Variants in LAS1L observed in about 807,000 individuals in gnomAD.
The protein encoded by LAS1L is ribosomal biogenesis protein LAS1L.
A neutral mutation model predicts 57.3 loss-of-function variants in LAS1L; 5 were observed. The ratio of observed to expected loss-of-function variants is 0.09; its 90% confidence interval spans 0.05 to 0.18. LAS1L has a LOEUF of 0.18. LAS1L is among the 10% of genes least tolerant of loss of function. The pLI is 1.00. For synonymous variants in LAS1L, 245 were observed against 231.7 expected (o/e 1.06, Z -0.52); for missense variants, 360 against 568.3 (o/e 0.63, Z 3.73).
At chrX:65,526,590 C>T (rs1265286642) in intron 7 of LAS1L, among the ~76,000 whole-genome samples, 1 of 111,753 alleles carries the variant, frequency 8.9e-6, no homozygotes, top group East Asian at 2.8e-4. Flanking sequence ...ACTCTGCTAC[C>T]TACACCACCT....
Position 65,518,315 on chromosome X carries a change from G to A in LAS1L, c.1599C>T (p.Asp533=). The A allele has an allele frequency of 1.6e-6, 2 of 1,212,161 alleles. No individual in the cohort carries two copies. Among genetic ancestry groups the A allele is most frequent in the Non-Finnish European group, 2.2e-6 (2 of 895,566 alleles). The part of the protein sequence containing the change: ...SPIGKSPYTL[D]SLYWSVKPAS... ...CTGGCTTGACGCTCCAATACAGGCTGTCTAGTGTATATGGAGACTTCCCAA... is the reference window on the plus strand; with the variant it reads ...CTGGCTTGACGCTCCAATACAGGCTATCTAGTGTATATGGAGACTTCCCAA... The change falls in exon 12 of 14, where the codon GAC becomes GAT. Residue 533 remains aspartate (D), a synonymous_variant. Coordinates refer to ENST00000374811, the MANE Select transcript of LAS1L (RefSeq NM_031206.7).
intron 3 of LAS1L, among the ~76,000 whole-genome samples, chrX:65,531,650 G>A (rs1048956713): frequency 3.6e-5 from 4 of 111,917 alleles, no homozygotes; most frequent in Non-Finnish European, 7.5e-5. Context: ...AGGAGGTATT[G>A]AAAATCAGAA....
At chrX:65,531,684 A>T (rs2148320533) in intron 3 of LAS1L, among the ~76,000 whole-genome samples, 1 of 112,364 alleles carries the variant, frequency 8.9e-6, no homozygotes, top group African/African-American at 3.2e-5. Flanking sequence ...ACAGTGGCTC[A>T]TGCCTGTAAT....
chrX:65,532,403 C>G (rs746458134), intron 3 of LAS1L, among the ~76,000 whole-genome samples, 158 bp downstream of exon 3: 134 of 112,839 alleles, frequency 1.2e-3, no homozygotes, highest in Non-Finnish European at 2.2e-3. Flanking sequence ...AGCAACTGTG[C>G]CTCCTTCAGG....
chrX:65,524,603 C>T lies in LAS1L; in HGVS notation c.1054G>A (p.Glu352Lys), dbSNP rs1287574692. ...TCAGTACCTTCCCCTCTCTGGACCT[C>T]AGTCTGACCATCTGTAACATGAGGA... ...LQIEYEDGQT[E>K]VQRGEGTDPK... is the part of the protein sequence containing the mutation. The change falls in exon 9 of 14, where the codon GAG becomes AAG. Residue 352 changes from glutamate (E) to lysine (K), a missense_variant. Coordinates refer to ENST00000374811, the MANE Select transcript of LAS1L (RefSeq NM_031206.7). The T allele has an allele frequency of 3.8e-6, 2 of 527,341 alleles. No homozygotes were observed. Among genetic ancestry groups the T allele is most frequent in the Admixed American group, 5.3e-5 (2 of 37,932 alleles). The allele number at this position is 527,341 out of a possible 1,213,427, so 43.5% of individuals were successfully genotyped here. A position where few individuals can be genotyped will look rare whatever the true frequency, so the allele number is the denominator to read the frequency against.
chrX:65,532,264 T>C (rs1393590960), intron 3 of LAS1L, among the ~76,000 whole-genome samples: 2 of 112,682 alleles, frequency 1.8e-5, no homozygotes, highest in African/African-American at 6.5e-5. Context: ...TCTCAGACTG[T>C]CAGCTCCATG....
At chrX:65,532,894 T>C (rs1027343571) in intron 2 of LAS1L, among the ~76,000 whole-genome samples, 1 of 111,638 alleles carries the variant, frequency 9.0e-6, no homozygotes, top group Non-Finnish European at 1.9e-5. Flanking sequence ...AATGATACAA[T>C]GTAACATATT....
At chrX:65,523,477 T>G in intron 11 of LAS1L, 83 bp downstream of exon 11, 1 of 996,219 alleles carries the variant, frequency 1.0e-6, no homozygotes, top group Non-Finnish European at 1.3e-6. Flanking sequence ...AAAGGGCCCT[T>G]CTAACTCAGT....
chrX:65,524,989 C>T lies in LAS1L; in HGVS notation c.1018G>A (p.Ala340Thr). The change falls in exon 8 of 14, where the codon GCA becomes ACA. Residue 340 changes from alanine (A) to threonine (T), a missense_variant. Physicochemically the swap from Ala to Thr is moderately conservative, Grantham distance 58. This residue lies in a region of LAS1L where 81 missense variants were observed against 192.1 expected (regional missense o/e 0.42). Transcript: ENST00000374811. Reference sequence around the variant, plus strand: ...CCTTCATATTCTATCTGCAAAGCTGCCAACTGTTCAAATGTGGGGACAAGG... The same window carrying T: ...CCTTCATATTCTATCTGCAAAGCTGTCAACTGTTCAAATGTGGGGACAAGG... ...GFLVPTFEQL[A>T]ALQIEYEDGQ... 4 of 1,210,004 alleles carry T rather than the reference C, an allele frequency of 3.3e-6. No homozygotes were observed. The highest frequency in any genetic ancestry group is 4.5e-6 in the Non-Finnish European group (4 of 894,462).
chrX:65,531,960 C>A (rs763999253), intron 3 of LAS1L, among the ~76,000 whole-genome samples: 1 of 112,011 alleles, frequency 8.9e-6, no homozygotes, highest in East Asian at 2.8e-4. Context: ...AAGGCACACA[C>A]CTCCCCTAAC....
intron 7 of LAS1L, among the ~76,000 whole-genome samples, chrX:65,526,235 AC>A (rs1349450179): frequency 1.7e-4 from 19 of 111,506 alleles, no homozygotes; most frequent in Admixed American, 4.8e-4. Context: ...CTTCAAAATT[AC>A]CCAGCCTCAG....
chrX:65,534,612 G>A lies in LAS1L; in HGVS notation c.104C>T (p.Pro35Leu), dbSNP rs748292004. The change falls in exon 1 of 14, where the codon CCA becomes CTA. Residue 35 changes from proline (P) to leucine (L), a missense_variant. Pro to Leu is a moderately conservative substitution (Grantham distance 98). Coordinates refer to ENST00000374811, the MANE Select transcript of LAS1L (RefSeq NM_031206.7). ...GKCVKGKGSL[P>L]LSAHGIVVAW... ...GACCACGATGCCGTGGGCCGAGAGT[G>A]GCAACGACCCTTTCCCTTTAACGCA... The A allele has an allele frequency of 1.7e-6, 2 of 1,201,875 alleles. No individual in the cohort carries two copies. Among genetic ancestry groups the A allele is most frequent in the Non-Finnish European group, 2.2e-6 (2 of 890,229 alleles).
At chrX:65,533,837 T>C (rs766093704) in intron 1 of LAS1L, 102 bp from the exon 2 acceptor site, 4 of 891,343 alleles carry the variant, frequency 4.5e-6, no homozygotes, top group Non-Finnish European at 6.3e-6. Context: ...CATATTCTGG[T>C]TCAAGAGAGC....
intron 13 of LAS1L, among the ~76,000 whole-genome samples, chrX:65,514,518 ATGTG>A (rs1341697871): frequency 2.6e-5 from 2 of 75,778 alleles, no homozygotes; most frequent in African/African-American, 9.9e-5. Flanking sequence ...TCCTCCCAAA[ATGTG>A]TGTGTGTGCC....
rs763617449 is a variant in LAS1L at position 65,534,527 on chromosome X, A to G, written c.189T>C (p.His63=). The G allele has an allele frequency of 1.7e-6, 2 of 1,209,025 alleles. No homozygotes were observed. Among genetic ancestry groups the G allele is most frequent in the South Asian group, 3.5e-5 (2 of 56,352 alleles). The change falls in exon 1 of 14, where the codon CAT becomes CAC. Residue 63 remains histidine (H), a synonymous_variant. Transcript: ENST00000374811. Reference sequence around the variant, plus strand: ...GGTTAAGCGCGTACCGCTGCAACTTATGGTCGTCACAGAACAGATAAACCG... The same window carrying G: ...GGTTAAGCGCGTACCGCTGCAACTTGTGGTCGTCACAGAACAGATAAACCG... The part of the protein sequence containing the change: ...QVTVYLFCDD[H]KLQRYALNRI...
At chrX:65,531,596 G>GA (rs1259477921) in intron 3 of LAS1L, among the ~76,000 whole-genome samples, 158 bp from the exon 4 acceptor site, 17 of 109,669 alleles carry the variant, frequency 1.6e-4, no homozygotes, top group South Asian at 3.9e-4. Context: ...ACAGAGCCAA[G>GA]AAAAAAAAAC....
intron 11 of LAS1L, chrX:65,520,752 T>C (rs779200185): frequency 4.7e-5 from 35 of 752,048 alleles, no homozygotes; most frequent in Non-Finnish European, 5.2e-5. Flanking sequence ...TCTGGTATGC[T>C]TGGGTTGGGA....
At position 65,529,578 on chromosome X, in the gene LAS1L, C is replaced by A. The variant is rs749511994; in HGVS notation, c.799+16G>T. On this transcript the variant is annotated intron_variant, in intron 5 of 13. Coordinates refer to ENST00000374811, the MANE Select transcript of LAS1L (RefSeq NM_031206.7). The stretch of plus-strand genomic sequence containing the variant: ...TCTGGGCTCATGGGCCGCTTTCTGC[C>A]CTCCAAAACACCTACCATATAGCTC... 1 of 1,204,061 alleles carries A rather than the reference C, an allele frequency of 8.3e-7. No homozygotes were observed. The highest frequency in any genetic ancestry group is 3.0e-5 in the East Asian group (1 of 33,768).
At chrX:65,526,591 T>C (rs2069156788) in intron 7 of LAS1L, among the ~76,000 whole-genome samples, 1 of 111,814 alleles carries the variant, frequency 8.9e-6, no homozygotes, top group Admixed American at 9.5e-5. Context: ...CTCTGCTACC[T>C]ACACCACCTA....
Sources: allele counts gnomAD v4.1 joint callset (sites outside exome capture counted in the v4.1 genomes callset), GRCh38; gene constraint gnomAD v4.1.1; regional missense constraint gnomAD v4.1.1; transcripts MANE v1.5; gene names NCBI Gene and HGNC (gene_info 2026-07-23, HGNC 2026-07-21).